KCNQ1OT1: variants seen among roughly 807,000 people sequenced by gnomAD.
KCNQ1OT1 encodes the protein KCNQ1 antisense RNA 2 (non-protein coding).
chr11:2,662,033 T>C, exon 1 of KCNQ1OT1: 2 of 1,614,200 alleles, frequency 1.2e-6, no homozygotes, highest in Non-Finnish European at 1.7e-6. Flanking sequence ...GCCGAGGACC[T>C]GGACCTGGAA....
chr11:2,652,560 T>C lies in KCNQ1OT1; in HGVS notation n.47435A>G, dbSNP rs535384234. The C allele has an allele frequency of 2.3e-5, 9 of 398,594 alleles. No individual in the cohort carries two copies. The South Asian group carries it at 6.4e-4, about 28-fold the overall frequency. 24.7% of individuals were successfully genotyped at this position (398,594 alleles called of 1,614,324 possible). On this transcript the variant is annotated non_coding_transcript_exon_variant, in exon 1 of 1. Transcript: ENST00000597346. The surrounding 1 kb of genome is among the most constrained non-coding windows in gnomAD (Gnocchi z 5.9). ...ATAGTGCTTAACCCAGATTCCATTG[T>C]ATATTAAAGTTTCCTAGGGCTGCTC...
chr11:2,662,232 A>G, exon 1 of KCNQ1OT1: 1 of 982,330 alleles, frequency 1.0e-6, no homozygotes, highest in South Asian at 1.5e-5. Context: ...CCCAACACGG[A>G]GGCACCAGGC....
chr11:2,680,199 G>T (rs1850368497), exon 1 of KCNQ1OT1: 1 of 371,478 alleles, frequency 2.7e-6, no homozygotes, highest in African/African-American at 2.6e-5. Flanking sequence ...GCCTCAGCTT[G>T]CCTAATTAAA....
At chr11:2,628,271 C>G (rs931252248) in exon 1 of KCNQ1OT1, 4 of 398,368 alleles carry the variant, frequency 1.0e-5, no homozygotes, top group African/African-American at 8.2e-5. Context: ...TAAGGGACAC[C>G]TTTTCTCCAC....
In KCNQ1OT1 at chr11:2,654,217, G is replaced by A. The variant is rs993799195; in HGVS notation, n.45778C>T. 1 of 398,830 alleles carries A rather than the reference G, an allele frequency of 2.5e-6. No homozygotes were observed. The highest frequency in any genetic ancestry group is 4.4e-6 in the Non-Finnish European group (1 of 226,226). 24.7% of individuals were successfully genotyped at this position (398,830 alleles called of 1,614,324 possible). A position where few individuals can be genotyped will look rare whatever the true frequency, so the allele number is the denominator to read the frequency against. Reference sequence around the variant, plus strand: ...CAGCAATGTCACGCAGGGCCTGGCTGCAGCTGTCCGGATGCCCCTGGGGAG... The same window carrying A: ...CAGCAATGTCACGCAGGGCCTGGCTACAGCTGTCCGGATGCCCCTGGGGAG... On this transcript the variant is annotated non_coding_transcript_exon_variant, in exon 1 of 1. Coordinates refer to ENST00000597346, the Ensembl canonical transcript of KCNQ1OT1. The surrounding 1 kb of genome is among the most constrained non-coding windows in gnomAD (Gnocchi z 6.4).
At position 2,647,920 on chromosome 11, in the gene KCNQ1OT1, A is replaced by T; in HGVS notation, n.52075T>A. 2.5e-6 allele frequency: 1 copy of T among 398,372 alleles called. No individual in the cohort carries two copies. The highest frequency in any genetic ancestry group is 3.6e-5 in the East Asian group (1 of 28,076). The allele number at this position is 398,372 out of a possible 1,614,324, so 24.7% of individuals were successfully genotyped here. ...GTTTATTGATTTTCTCTTTTCAAAAAATCAGTTTTTTGGCTGGGTTTGTTG... is the reference window on the plus strand; with the variant it reads ...GTTTATTGATTTTCTCTTTTCAAAATATCAGTTTTTTGGCTGGGTTTGTTG... On this transcript the variant is annotated non_coding_transcript_exon_variant, in exon 1 of 1. Coordinates refer to ENST00000597346, the Ensembl canonical transcript of KCNQ1OT1. The surrounding 1 kb of genome is among the most constrained non-coding windows in gnomAD (Gnocchi z 4.0).
At chr11:2,675,373 A>C (rs751264287) in exon 1 of KCNQ1OT1, 6 of 398,560 alleles carry the variant, frequency 1.5e-5, no homozygotes, top group African/African-American at 2.1e-5. Flanking sequence ...TGTGCATTAG[A>C]AAACATTTAA....
rs368082693 is a variant in KCNQ1OT1 at position 2,692,950 on chromosome 11, G to A, written n.7045C>T. 155 of 398,632 alleles carry A rather than the reference G, an allele frequency of 3.9e-4. 1 individual carries two copies. The Middle Eastern group carries it at 5.7e-3, about 15-fold the overall frequency. 24.7% of individuals were successfully genotyped at this position (398,632 alleles called of 1,614,324 possible). On this transcript the variant is annotated non_coding_transcript_exon_variant, in exon 1 of 1. Transcript: ENST00000597346. ...CCCAAGCAGGTTGTCCTGCCCATAC[G>A]CTCAATAATGAGGCCCACTGAACTC...
chr11:2,632,888 A>G, exon 1 of KCNQ1OT1: 1 of 398,474 alleles, frequency 2.5e-6, no homozygotes, highest in Non-Finnish European at 4.4e-6. Flanking sequence ...ATGAGAATGC[A>G]AATATCTTTT....
rs1564852033 is a variant in KCNQ1OT1, at chr11:2,668,507, T to C, written n.31488A>G. On this transcript the variant is annotated non_coding_transcript_exon_variant, in exon 1 of 1. Transcript: ENST00000597346. This position sits in a 1 kb window ranked among gnomAD's most constrained non-coding sequence, Gnocchi z 4.3. Reference sequence around the variant, plus strand: ...CCATGATGGTGAATGTCTAGCAGCATCAAATGGTGATTTTAATTTGCAGTA... The same window carrying C: ...CCATGATGGTGAATGTCTAGCAGCACCAAATGGTGATTTTAATTTGCAGTA... 5.0e-6 allele frequency: 2 copies of C among 398,670 alleles called. No individual in the cohort carries two copies. The highest frequency in any genetic ancestry group is 8.8e-6 in the Non-Finnish European group (2 of 226,072). 24.7% of individuals were successfully genotyped at this position (398,670 alleles called of 1,614,324 possible).
At position 2,647,288 on chromosome 11, in the gene KCNQ1OT1, T is replaced by G; in HGVS notation, n.52707A>C. On this transcript the variant is annotated non_coding_transcript_exon_variant, in exon 1 of 1. Transcript: ENST00000597346. The surrounding 1 kb of genome is among the most constrained non-coding windows in gnomAD (Gnocchi z 4.0). ...GTGATGTATCACATTTATTGATTTGTATATGTTGAACCATCCTTGAATCCC... is the reference window on the plus strand; with the variant it reads ...GTGATGTATCACATTTATTGATTTGGATATGTTGAACCATCCTTGAATCCC... The G allele has an allele frequency of 2.5e-6, 1 of 398,564 alleles. No homozygotes were observed. The allele number at this position is 398,564 out of a possible 1,614,324, so 24.7% of individuals were successfully genotyped here.
At position 2,626,194 on chromosome 11, in the gene KCNQ1OT1, G is replaced by T. The variant is rs1264359117; in HGVS notation, n.73801C>A. On this transcript the variant is annotated non_coding_transcript_exon_variant, in exon 1 of 1. Transcript: ENST00000597346. This position sits in a 1 kb window ranked among gnomAD's most constrained non-coding sequence, Gnocchi z 4.0. ...TCCTTATAAGACTTCATAGTTTTAG[G>T]ACTTTGACCCATTTTGAGTAAGTTT... The T allele has an allele frequency of 5.0e-6, 2 of 398,390 alleles. No individual in the cohort carries two copies. Among genetic ancestry groups the T allele is most frequent in the Non-Finnish European group, 8.8e-6 (2 of 226,052 alleles). 24.7% of individuals were successfully genotyped at this position (398,390 alleles called of 1,614,324 possible).
At chr11:2,694,926 T>G (rs1219921342) in exon 1 of KCNQ1OT1, 1 of 398,360 alleles carries the variant, frequency 2.5e-6, no homozygotes, top group Non-Finnish European at 4.4e-6. Context: ...CAGGCAGAGG[T>G]GGTGAAGGCC....
exon 1 of KCNQ1OT1, chr11:2,646,186 A>G: frequency 2.5e-6 from 1 of 398,506 alleles, no homozygotes; most frequent in South Asian, 1.3e-4. Context: ...GTGGTTACCT[A>G]CTTGCTATAT....
At chr11:2,649,050 T>C (rs1427717881) in exon 1 of KCNQ1OT1, 1 of 396,898 alleles carries the variant, frequency 2.5e-6, no homozygotes, top group African/African-American at 2.1e-5. Flanking sequence ...TTTTGGTGTC[T>C]GTTTGTGTGG....
exon 1 of KCNQ1OT1, chr11:2,649,535 T>G (rs1206682470): frequency 1.8e-5 from 7 of 398,464 alleles, no homozygotes; most frequent in Non-Finnish European, 2.2e-5. Context: ...CTCATTCTGC[T>G]TCATTTCTGA....
Position 2,679,109 on chromosome 11 carries a change from T to G in KCNQ1OT1, n.20886A>C, listed in dbSNP as rs1850343726. 2 of 398,528 alleles carry G rather than the reference T, an allele frequency of 5.0e-6. No individual in the cohort carries two copies. The highest frequency in any genetic ancestry group is 8.8e-6 in the Non-Finnish European group (2 of 226,076). The allele number at this position is 398,528 out of a possible 1,614,324, so 24.7% of individuals were successfully genotyped here. A position where few individuals can be genotyped will look rare whatever the true frequency, so the allele number is the denominator to read the frequency against. The stretch of plus-strand genomic sequence containing the variant: ...GTCATAGCTAGAGCTAGAGTGCTGT[T>G]ATAAGCTGTGCAGGCCAAAATGGTT... On this transcript the variant is annotated non_coding_transcript_exon_variant, in exon 1 of 1. Coordinates refer to ENST00000597346, the Ensembl canonical transcript of KCNQ1OT1. The surrounding 1 kb of genome is among the most constrained non-coding windows in gnomAD (Gnocchi z 4.8).
chr11:2,613,043 G>A lies in KCNQ1OT1; in HGVS notation n.86952C>T. On this transcript the variant is annotated non_coding_transcript_exon_variant, in exon 1 of 1. Transcript: ENST00000597346. This position sits in a 1 kb window ranked among gnomAD's most constrained non-coding sequence, Gnocchi z 4.8. ...TTGTTTTGTAAGCCTGGCTTCATTG[G>A]TGTCACCCCTGGATCAGCATAACCT... 1 of 398,544 alleles carries A rather than the reference G, an allele frequency of 2.5e-6. No individual in the cohort carries two copies. The highest frequency in any genetic ancestry group is 2.1e-5 in the African/African-American group (1 of 48,698). 24.7% of individuals were successfully genotyped at this position (398,544 alleles called of 1,614,324 possible). A position where few individuals can be genotyped will look rare whatever the true frequency, so the allele number is the denominator to read the frequency against.
chr11:2,656,447 G>A (rs1410124600), exon 1 of KCNQ1OT1: 1 of 398,558 alleles, frequency 2.5e-6, no homozygotes, highest in African/African-American at 2.1e-5. Context: ...ACTAAGTAAT[G>A]TCTGTGTGGT....
Sources: allele counts gnomAD v4.1 joint callset, GRCh38; gene constraint gnomAD v4.1.1; non-coding constraint Gnocchi (gnomAD v3.1); transcripts MANE v1.5; gene names NCBI Gene and HGNC (gene_info 2026-07-23, HGNC 2026-07-21).